SORBS3: variants seen among roughly 807,000 people sequenced by gnomAD.
SORBS3 encodes the protein sorbin and SH3 domain containing 3.
In SORBS3, 69 loss-of-function variants were observed where a neutral mutation model predicts 98.0. That is an observed-to-expected ratio of 0.70 (90% CI 0.58 to 0.86). SORBS3 has a LOEUF of 0.86. Ranked by LOEUF, SORBS3 falls within the 40% of genes least tolerant of loss-of-function variation. SORBS3 has a pLI of 0.00. For missense variants in SORBS3, 954 were observed against 908.5 expected (o/e 1.05, Z -0.64); for synonymous variants, 394 against 355.4 (o/e 1.11, Z -1.22).
intron 20 of SORBS3, among the ~76,000 whole-genome samples, chr8:22,572,691 G>A (rs1840621668): frequency 6.6e-6 from 1 of 152,260 alleles, no homozygotes; most frequent in South Asian, 2.1e-4. Context: ...GGTCACTGAT[G>A]GAGTCAGTGG....
Position 22,571,723 on chromosome 8 carries a change from T to G in SORBS3, c.1749T>G (p.Leu583=). The G allele has an allele frequency of 6.2e-7, 1 of 1,613,274 alleles. No homozygotes were observed. The highest frequency in any genetic ancestry group is 8.5e-7 in the Non-Finnish European group (1 of 1,179,318). The stretch of plus-strand genomic sequence containing the variant: ...TTCTTCCTGTCAACTCCCAGAATCT[T>G]GGCACCCCTGGTCCAGCTCTGTCCC... ...TQEPRPQTQN[L]GTPGPALSHS... Residue 583 remains leucine (L), a synonymous_variant, in exon 19 of 21, where the codon CTT becomes CTG. Coordinates refer to ENST00000240123, the MANE Select transcript of SORBS3 (RefSeq NM_005775.5).
chr8:22,562,746 G>A (rs1418886848), intron 7 of SORBS3, among the ~76,000 whole-genome samples: 1 of 152,242 alleles, frequency 6.6e-6, no homozygotes, highest in Non-Finnish European at 1.5e-5. Context: ...AGAGGGTTCA[G>A]TGTGATCATG....
chr8:22,568,658 A>G (rs1169024603), intron 16 of SORBS3, among the ~76,000 whole-genome samples: 7 of 152,160 alleles, frequency 4.6e-5, no homozygotes, highest in African/African-American at 1.7e-4. Flanking sequence ...TTTTATGGGC[A>G]GAGTGAAGCA....
At chr8:22,553,855 C>T (rs1840132509) in intron 1 of SORBS3, among the ~76,000 whole-genome samples, 2 of 151,938 alleles carry the variant, frequency 1.3e-5, no homozygotes, top group Non-Finnish European at 1.5e-5. Context: ...AAGAAGGGCC[C>T]GATGCTCCCT....
At position 22,554,459 on chromosome 8, in the gene SORBS3, G is replaced by A. The variant is rs576640305; in HGVS notation, c.-48G>A. On this transcript the variant is annotated 5_prime_UTR_variant, in exon 2 of 21. Coordinates refer to ENST00000240123, the MANE Select transcript of SORBS3 (RefSeq NM_005775.5). The surrounding 1 kb of genome is among the most constrained non-coding windows in gnomAD (Gnocchi z 6.5). Reference sequence around the variant, plus strand: ...CTTCCTCCTTCCCCACAGAGGACACGCAGAGGAGCAGCTGGCTTGCCCGGA... The same window carrying A: ...CTTCCTCCTTCCCCACAGAGGACACACAGAGGAGCAGCTGGCTTGCCCGGA... The A allele has an allele frequency of 5.7e-6, 9 of 1,590,618 alleles. No homozygotes were observed. The highest frequency in any genetic ancestry group is 5.7e-5 in the South Asian group (5 of 88,426).
Position 22,572,358 on chromosome 8 carries a change from G to A in SORBS3, c.1866G>A (p.Gln622=). 6.2e-7 allele frequency: 1 copy of A among 1,614,068 alleles called. No individual in the cohort carries two copies. Among genetic ancestry groups the A allele is most frequent in the Non-Finnish European group, 8.5e-7 (1 of 1,179,958 alleles). Residue 622 remains glutamine, a synonymous_variant, in exon 20 of 21, where the codon CAG becomes CAA. Transcript: ENST00000240123. The part of the protein sequence containing the change: ...IHWTPYRAMY[Q]YRPQNEDELE... ...CTCGCAGGTACCGGGCGATGTACCA[G>A]TACAGGCCCCAGAACGAAGACGAGC...
chr8:22,550,317 C>A (rs1485153369), upstream of SORBS3, among the ~76,000 whole-genome samples: 2 of 152,208 alleles, frequency 1.3e-5, no homozygotes, highest in Non-Finnish European at 2.9e-5. Context: ...TGTTCAGCTC[C>A]CCGCTCAGTG....
At chr8:22,571,331 G>A in intron 18 of SORBS3, 110 bp downstream of exon 18, 1 of 671,710 alleles carries the variant, frequency 1.5e-6, no homozygotes, top group East Asian at 2.7e-5. Flanking sequence ...CTGGGACATA[G>A]GAGTGGGGTG....
Position 22,556,909 on chromosome 8 carries a change from G to A in SORBS3, c.414+1G>A, listed in dbSNP as rs190355963. The A allele has an allele frequency of 2.5e-6, 4 of 1,612,286 alleles. No individual in the cohort carries two copies. The highest frequency in any genetic ancestry group is 1.7e-5 in the Admixed American group (1 of 60,014). ...CGGCATGCCCATTGCCCCCCGATCC[G>A]TGAGTCCAGGGCTGGGGGCCACGGA... On this transcript the variant is annotated splice_donor_variant, in intron 4 of 20. Coordinates refer to ENST00000240123, the MANE Select transcript of SORBS3 (RefSeq NM_005775.5). LOFTEE classifies it high-confidence loss of function.
chr8:22,572,570 C>T (rs1456919070), intron 20 of SORBS3, 124 bp downstream of exon 20: 20 of 781,006 alleles, frequency 2.6e-5, no homozygotes, highest in African/African-American at 5.1e-5. Context: ...AGCTTCCGGC[C>T]GGGCTACTGG....
upstream of SORBS3, among the ~76,000 whole-genome samples, chr8:22,548,659 C>T (rs1008262962): frequency 2.6e-5 from 4 of 152,118 alleles, no homozygotes; most frequent in Admixed American, 1.3e-4. Flanking sequence ...GAGCTAGGGC[C>T]GCCTAGCTGC....
chr8:22,551,890 G>T (rs1031321679), upstream of SORBS3: 21 of 985,186 alleles, frequency 2.1e-5, no homozygotes, highest in East Asian at 1.3e-3. The surrounding 1 kb of genome is among the most constrained non-coding windows in gnomAD (Gnocchi z 5.8). Context: ...TCCTGACCCG[G>T]TCACGAGGGC....
At position 22,575,139 on chromosome 8, in the gene SORBS3, A is replaced by T; in HGVS notation, c.*411A>T. On this transcript the variant is annotated 3_prime_UTR_variant, in exon 21 of 21. Transcript: ENST00000240123. ...CAGCTTCCTAGCCTCGTAGAGACCA[A>T]AGGCCGCCCCCGCCTGCTGGGGTTC... The T allele has an allele frequency of 3.0e-6, 1 of 330,736 alleles. No individual in the cohort carries two copies. Among genetic ancestry groups the T allele is most frequent in the Admixed American group, 4.2e-5 (1 of 24,020 alleles). The allele number at this position is 330,736 out of a possible 1,614,324, so 20.5% of individuals were successfully genotyped here. A position where few individuals can be genotyped will look rare whatever the true frequency, so the allele number is the denominator to read the frequency against.
upstream of SORBS3, chr8:22,551,824 C>T: frequency 1.0e-6 from 1 of 985,926 alleles, no homozygotes; most frequent in Non-Finnish European, 1.2e-6. The surrounding 1 kb of genome is among the most constrained non-coding windows in gnomAD (Gnocchi z 5.8). Flanking sequence ...CGGCCTCCGG[C>T]GCGCGCCCCT....
chr8:22,570,895 CT>C lies in SORBS3; in HGVS notation c.1432-11del, dbSNP rs1396514086. 13 of 1,574,572 alleles carry C rather than the reference CT, an allele frequency of 8.3e-6. No homozygotes were observed. The highest frequency in any genetic ancestry group is 1.2e-5 in the South Asian group (1 of 84,470). ...ACCAGGAAGGCCCCACAGACACTGA[CT>C]TTTCCCCCCTCAGGGAGAGCACATC... On this transcript the variant is annotated splice_polypyrimidine_tract_variant and intron_variant, in intron 17 of 20. Transcript: ENST00000240123.
At chr8:22,568,121 G>A (rs910277722) in intron 16 of SORBS3, among the ~76,000 whole-genome samples, 3 of 152,158 alleles carry the variant, frequency 2.0e-5, no homozygotes, top group Admixed American at 6.6e-5. Context: ...CAAAGTGCTT[G>A]GGTTACAAGC....
rs1194952337 is a variant in SORBS3, at chr8:22,571,793, C to T, written c.1819C>T (p.Pro607Ser). 2 of 1,613,542 alleles carry T rather than the reference C, an allele frequency of 1.2e-6. No individual in the cohort carries two copies. Among genetic ancestry groups the T allele is most frequent in the Non-Finnish European group, 1.7e-6 (2 of 1,179,548 alleles). ...TCCCCTGGACCTGGGGACCTCCTCT[C>T]CTAACACCTCTCAGATACACTGGAC... Reference protein sequence around the residue: ...SHPLDLGTSSPNTSQIHWTPY... With the variant: ...SHPLDLGTSSSNTSQIHWTPY... Residue 607 changes from proline (P) to serine (S), a missense_variant, in exon 19 of 21, where the codon CCT (proline) becomes TCT (serine). Pro to Ser is a moderately conservative substitution (Grantham distance 74, BLOSUM62 -1). Coordinates refer to ENST00000240123, the MANE Select transcript of SORBS3 (RefSeq NM_005775.5).
chr8:22,553,433 G>A (rs942360468), intron 1 of SORBS3, among the ~76,000 whole-genome samples: 6 of 152,168 alleles, frequency 3.9e-5, no homozygotes, highest in East Asian at 1.9e-4. Flanking sequence ...AGGGATGGAC[G>A]CCGTAGCACC....
chr8:22,564,231 C>A, intron 8 of SORBS3, 52 bp from the exon 9 acceptor site: 1 of 1,527,936 alleles, frequency 6.5e-7, no homozygotes, highest in Non-Finnish European at 8.9e-7. Flanking sequence ...TGAGCCTGGC[C>A]AGTGTCCCAG....
Sources: gnomAD v4.1 joint callset for allele counts (sites outside exome capture counted in the v4.1 genomes callset) on GRCh38, gnomAD v4.1.1 for gene constraint, Gnocchi (gnomAD v3.1) non-coding constraint, MANE v1.5 for transcripts, NCBI Gene and HGNC (gene_info 2026-07-23, HGNC 2026-07-21) for gene names.